PPP2R2C: variants seen among roughly 807,000 people sequenced by gnomAD.
The protein encoded by PPP2R2C is protein phosphatase 2 regulatory subunit Bgamma, also known as protein phosphatase 2, regulatory subunit B, gamma.
Under a neutral mutation model 45.3 loss-of-function variants are expected in PPP2R2C, and 10 were observed. The observed-to-expected ratio is 0.22, with a 90% CI of 0.14 to 0.37. The LOEUF is 0.37. Ranked by LOEUF, PPP2R2C falls within the 10% of genes least tolerant of loss-of-function variation. The pLI is 1.00. For synonymous variants in PPP2R2C, 257 were observed against 245.4 expected (o/e 1.05, Z -0.44); for missense variants, 308 against 619.7 (o/e 0.50, Z 5.34).
rs535569326 is a variant in PPP2R2C at position 6,503,631 on chromosome 4, C to G, written c.49+31640G>C. Among the ~76,000 whole-genome samples, 98 of 152,238 alleles carry G rather than the reference C, an allele frequency of 6.4e-4. No individual in the cohort carries two copies. In the South Asian group the frequency reaches 0.02, roughly 31 times the overall value. On this transcript the variant is annotated intron_variant, in intron 2 of 9. Transcript: ENST00000506140. ...ACAGTTTTGTGTGAAGTCCCAGACA[C>G]TGACCCAAGAGAAAAAAACTTATGT... is the stretch of plus-strand genomic sequence containing the variant.
rs1338643688 is a variant in PPP2R2C at position 6,511,464 on chromosome 4, G to A, written c.49+23807C>T. On this transcript the variant is annotated intron_variant, in intron 2 of 9. Transcript: ENST00000506140. ...TGACGGTGGTGGTGGTGATGATGAC[G>A]GTGGTGGTGGTGATGGCGGTGTTGG... 6.0e-4 allele frequency among the ~76,000 whole-genome samples: 71 copies of A among 119,108 alleles called. 2 individuals carry two copies. Among genetic ancestry groups the A allele is most frequent in the African/African-American group, 1.9e-3 (49 of 25,462 alleles). 78.1% of individuals were successfully genotyped at this position (119,108 alleles called of 152,430 possible).
rs114600176 is a variant in PPP2R2C, at chr4:6,466,040, C to T, written c.70+6120G>A. On this transcript the variant is annotated intron_variant, in intron 1 of 8. Transcript: ENST00000382599. ...AAAGGACACCATAGGGTTCCTGCGT[C>T]ATTCATGTTTCTTAGAAGTCACTGC... 3.4e-3 allele frequency among the ~76,000 whole-genome samples: 519 copies of T among 152,334 alleles called. 4 individuals are homozygous for T. The highest frequency in any genetic ancestry group is 8.9e-3 in the African/African-American group (369 of 41,570).
chr4:6,537,702 C>A (rs574906193), intron 1 of PPP2R2C, among the ~76,000 whole-genome samples: 9 of 152,052 alleles, frequency 5.9e-5, no homozygotes, highest in African/African-American at 2.2e-4. Context: ...AGGTGCCTGC[C>A]ACCACACCTG....
At chr4:6,449,156 T>G (rs1256028927) in intron 1 of PPP2R2C, among the ~76,000 whole-genome samples, 1 of 152,114 alleles carries the variant, frequency 6.6e-6, no homozygotes, top group Non-Finnish European at 1.5e-5. Context: ...CCTCTGACTC[T>G]CCAAGGCCCA....
chr4:6,465,275 C>A (rs1288734532), intron 1 of PPP2R2C, among the ~76,000 whole-genome samples: 1 of 152,162 alleles, frequency 6.6e-6, no homozygotes, highest in Admixed American at 6.5e-5. Context: ...AATAAGATAA[C>A]TGTTGGCCTC....
intron 2 of PPP2R2C, among the ~76,000 whole-genome samples, chr4:6,511,543 GT>G (rs1723495094): frequency 9.3e-5 from 1 of 10,754 alleles, no homozygotes; most frequent in African/African-American, 2.3e-4. Context: ...GGTGGTGGTG[GT>G]GATGGTGGTG....
At chr4:6,558,552 T>TACTC (rs1004235009) in intron 1 of PPP2R2C, among the ~76,000 whole-genome samples, 2 of 152,166 alleles carry the variant, frequency 1.3e-5, no homozygotes, top group African/African-American at 4.8e-5. Flanking sequence ...AACTTCCCAA[T>TACTC]ACTCAGCCTG....
chr4:6,509,044 C>A (rs1359649606), intron 2 of PPP2R2C, among the ~76,000 whole-genome samples: 1 of 152,226 alleles, frequency 6.6e-6, no homozygotes, highest in Non-Finnish European at 1.5e-5. Context: ...GAATCCTTTC[C>A]TCTTAGGAGG....
chr4:6,369,555 G>A (rs1714628856), intron 5 of PPP2R2C, among the ~76,000 whole-genome samples: 1 of 152,236 alleles, frequency 6.6e-6, no homozygotes, highest in Non-Finnish European at 1.5e-5. Context: ...CACAGCTGTG[G>A]GGGGTTTTGT....
Position 6,345,312 on chromosome 4 carries a change from TG to T in PPP2R2C, c.790+2533del, listed in dbSNP as rs1279804942. Among the ~76,000 whole-genome samples, 1 of 151,844 alleles carries T rather than the reference TG, an allele frequency of 6.6e-6. No homozygotes were observed. The highest frequency in any genetic ancestry group is 2.4e-5 in the African/African-American group (1 of 41,344). ...TGAGTGAATGGGCGGGAGGCGTAGG[TG>T]GGGGGGCAGTGTCCTGTAGTAGGCG... is the stretch of plus-strand genomic sequence containing the variant. On this transcript the variant is annotated intron_variant, in intron 6 of 8. Transcript: ENST00000382599. This position sits in a 1 kb window ranked among gnomAD's most constrained non-coding sequence, Gnocchi z 5.3.
chr4:6,550,266 A>C (rs1725139843), intron 1 of PPP2R2C, among the ~76,000 whole-genome samples: 1 of 151,778 alleles, frequency 6.6e-6, no homozygotes, highest in Non-Finnish European at 1.5e-5. Context: ...GGCACATCCC[A>C]AAGCACAGAC....
At chr4:6,406,783 A>C (rs528816282) in intron 1 of PPP2R2C, among the ~76,000 whole-genome samples, 1 of 152,268 alleles carries the variant, frequency 6.6e-6, no homozygotes, top group Admixed American at 6.5e-5. Flanking sequence ...ATTAAATAAA[A>C]TAAAATAAAA....
intron 1 of PPP2R2C, among the ~76,000 whole-genome samples, chr4:6,556,868 G>A (rs897842091): frequency 1.3e-5 from 2 of 152,126 alleles, no homozygotes; most frequent in African/African-American, 4.8e-5. Context: ...TCCTCCAAAG[G>A]AGGGAAGGGG....
chr4:6,521,437 G>A (rs1167844706), intron 2 of PPP2R2C, among the ~76,000 whole-genome samples: 1 of 152,162 alleles, frequency 6.6e-6, no homozygotes, highest in Non-Finnish European at 1.5e-5. Context: ...TATCATTCAG[G>A]TGGGTTAGAA....
intron 5 of PPP2R2C, among the ~76,000 whole-genome samples, chr4:6,366,025 G>A (rs1299147489): frequency 2.0e-5 from 3 of 152,168 alleles, no homozygotes; most frequent in South Asian, 2.1e-4. Flanking sequence ...TTAAACAGAC[G>A]TTGAAACTGC....
intron 1 of PPP2R2C, among the ~76,000 whole-genome samples, chr4:6,553,930 G>C (rs990346763): frequency 1.3e-5 from 2 of 152,142 alleles, no homozygotes; most frequent in African/African-American, 4.8e-5. Context: ...CTCGGTCCCA[G>C]TGTCCACTTT....
chr4:6,403,639 G>C (rs1717594282), intron 1 of PPP2R2C, among the ~76,000 whole-genome samples: 1 of 152,108 alleles, frequency 6.6e-6, no homozygotes, highest in African/African-American at 2.4e-5. Context: ...GAGGCAGGGG[G>C]ATCATTTGAG....
chr4:6,454,827 T>C (rs1229833254), intron 1 of PPP2R2C, among the ~76,000 whole-genome samples: 4 of 152,142 alleles, frequency 2.6e-5, no homozygotes, highest in African/African-American at 7.2e-5. Context: ...CCTCCCAGAG[T>C]GGACATAAAG....
chr4:6,549,898 C>T (rs925804130), intron 1 of PPP2R2C, among the ~76,000 whole-genome samples: 4 of 152,216 alleles, frequency 2.6e-5, no homozygotes, highest in African/African-American at 7.2e-5. Context: ...AGGTGAATAT[C>T]TGGGGAGAAA....
Sources: gnomAD v4.1 joint callset for allele counts (sites outside exome capture counted in the v4.1 genomes callset) on GRCh38, gnomAD v4.1.1 for gene constraint, Gnocchi (gnomAD v3.1) non-coding constraint, MANE v1.5 for transcripts, NCBI Gene and HGNC (gene_info 2026-07-23, HGNC 2026-07-21) for gene names.